The following HS2ST1 variants were observed in gnomAD, a reference collection of about 807,000 sequenced individuals.
The protein encoded by HS2ST1 is heparan sulfate 2-O-sulfotransferase 1.
HS2ST1 carries 18 observed loss-of-function variants against 42.9 expected under a neutral mutation model. The ratio of observed to expected loss-of-function variants is 0.42; its 90% CI spans 0.29 to 0.62. The LOEUF (loss-of-function observed/expected upper bound fraction) is 0.62, where lower values mean the gene tolerates loss of function less well. Ranked by LOEUF, HS2ST1 falls within the 20% of genes least tolerant of loss-of-function variation. The probability of loss-of-function intolerance (pLI) is 0.21; values close to 1 mark genes in which losing one functional copy is unlikely to be tolerated. For synonymous variants in HS2ST1, 146 were observed against 152.9 expected, an observed-to-expected ratio of 0.95 and a Z score of 0.33; for missense variants, 334 against 433.8, an observed-to-expected ratio of 0.77 and a Z score of 2.04.
intron 1 of HS2ST1, among the ~76,000 whole-genome samples, chr1:86,990,562 A>G (rs1648912279): frequency 6.6e-6 from 1 of 151,826 alleles, no homozygotes; most frequent in Non-Finnish European, 1.5e-5. Flanking sequence ...TAGTATTGCC[A>G]TTTATCGCCA....
intron 1 of HS2ST1, among the ~76,000 whole-genome samples, chr1:86,969,992 G>A (rs1648181387): frequency 6.6e-6 from 1 of 152,060 alleles, no homozygotes; most frequent in Non-Finnish European, 1.5e-5. Flanking sequence ...AGGCGTGGTG[G>A]CACATGCCTG....
chr1:87,071,791 C>T (rs1651415309), intron 1 of HS2ST1, among the ~76,000 whole-genome samples: 1 of 150,328 alleles, frequency 6.7e-6, no homozygotes, highest in African/African-American at 2.5e-5. Context: ...CCCTGGGAAG[C>T]AATTGAGTTG....
intron 1 of HS2ST1, 128 bp downstream of exon 1, chr1:86,915,288 C>T (rs566848692): frequency 2.8e-6 from 3 of 1,052,770 alleles, no homozygotes; most frequent in Admixed American, 3.0e-5. Flanking sequence ...CAAAGAGAAC[C>T]GGGAACAAGG....
At chr1:86,929,695 A>T (rs1660501709) in intron 1 of HS2ST1, among the ~76,000 whole-genome samples, 1 of 151,808 alleles carries the variant, frequency 6.6e-6, no homozygotes, top group African/African-American at 2.4e-5. Flanking sequence ...TTTTTAAAGG[A>T]TTAATGATAG....
chr1:87,015,076 G>C lies in HS2ST1; in HGVS notation c.125-57858G>C, dbSNP rs140288035. On this transcript the variant is annotated intron_variant, in intron 1 of 6. Transcript: ENST00000370550. The stretch of plus-strand genomic sequence containing the variant: ...TGTTTGTTTGTTTGTTTGAGACAGA[G>C]TGTCGCTCTGTCACCAAGCTGGAGT... Among the ~76,000 whole-genome samples, 977 of 152,090 alleles carry C rather than the reference G, an allele frequency of 6.4e-3. 13 individuals are homozygous for C. The highest frequency in any genetic ancestry group is 0.023 in the African/African-American group (937 of 41,476).
At chr1:86,940,678 C>T (rs1169332172) in intron 1 of HS2ST1, among the ~76,000 whole-genome samples, 1 of 152,158 alleles carries the variant, frequency 6.6e-6, no homozygotes, top group Non-Finnish European at 1.5e-5. Context: ...TCTCATATGA[C>T]TTTGGAAATG....
chr1:86,969,750 CTTAA>C (rs996296932), intron 1 of HS2ST1, among the ~76,000 whole-genome samples: 8 of 151,080 alleles, frequency 5.3e-5, no homozygotes, highest in African/African-American at 1.9e-4. Context: ...TATAAAATAT[CTTAA>C]TTAAGAGTTG....
chr1:86,958,278 T>C lies in HS2ST1; in HGVS notation c.124+43118T>C, dbSNP rs1164873841. Among the ~76,000 whole-genome samples the C allele has an allele frequency of 2.2e-4, 34 of 152,206 alleles. 1 individual carries two copies. The highest frequency in any genetic ancestry group is 1.7e-3 in the East Asian group (9 of 5,196). ...CATTAACAGCCACTTAACACAAATTTTGTGTGTATGTTATGTGTATTCTGT... is the reference window on the plus strand; with the variant it reads ...CATTAACAGCCACTTAACACAAATTCTGTGTGTATGTTATGTGTATTCTGT... On this transcript the variant is annotated intron_variant, in intron 1 of 6. Transcript: ENST00000370550.
chr1:87,063,426 T>A (rs1346028880), intron 1 of HS2ST1, among the ~76,000 whole-genome samples: 2 of 152,174 alleles, frequency 1.3e-5, no homozygotes, highest in African/African-American at 4.8e-5. Context: ...AGCCTCTGCT[T>A]CCCAGGTTCA....
intron 1 of HS2ST1, among the ~76,000 whole-genome samples, chr1:86,987,768 C>T (rs903487007): frequency 5.9e-5 from 9 of 152,236 alleles, no homozygotes; most frequent in Non-Finnish European, 7.4e-5. Context: ...GTCAAATGGC[C>T]CTGTAGCAGG....
chr1:87,064,625 C>T lies in HS2ST1; in HGVS notation c.125-8309C>T, dbSNP rs116037068. Reference sequence around the variant, plus strand: ...GCATATAGAAATTTATTTTGTTAGTCCCCCATGGTGATTGTGCTCAGGGAG... The same window carrying T: ...GCATATAGAAATTTATTTTGTTAGTTCCCCATGGTGATTGTGCTCAGGGAG... On this transcript the variant is annotated intron_variant, in intron 1 of 6. Coordinates refer to ENST00000370550, the MANE Select transcript of HS2ST1 (RefSeq NM_012262.4). 25 of 463,188 alleles carry T rather than the reference C, an allele frequency of 5.4e-5. No individual in the cohort carries two copies. In the East Asian group the frequency reaches 7.4e-4, roughly 14 times the overall value. 28.7% of individuals were successfully genotyped at this position (463,188 alleles called of 1,614,324 possible). A position where few individuals can be genotyped will look rare whatever the true frequency, so the allele number is the denominator to read the frequency against.
intron 1 of HS2ST1, among the ~76,000 whole-genome samples, chr1:87,068,712 A>G (rs1651317090): frequency 1.3e-5 from 2 of 152,220 alleles, no homozygotes; most frequent in African/African-American, 4.8e-5. Flanking sequence ...TGGCCAATCA[A>G]TAAACAGTTG....
intron 2 of HS2ST1, among the ~76,000 whole-genome samples, 163 bp downstream of exon 2, chr1:87,073,335 G>C (rs561791380): frequency 1.1e-4 from 17 of 152,224 alleles, no homozygotes; most frequent in African/African-American, 3.9e-4. Context: ...AATTTTACTT[G>C]ACAGTATTTG....
chr1:87,031,728 AAT>A (rs1386705119), intron 1 of HS2ST1, among the ~76,000 whole-genome samples: 1 of 152,172 alleles, frequency 6.6e-6, no homozygotes, highest in Non-Finnish European at 1.5e-5. Context: ...CTGAATATAT[AAT>A]ATATGGTTGT....
At chr1:86,917,391 C>T (rs1043236368) in intron 1 of HS2ST1, among the ~76,000 whole-genome samples, 6 of 152,082 alleles carry the variant, frequency 3.9e-5, no homozygotes, top group East Asian at 1.9e-4. Flanking sequence ...GGGTGGCGGG[C>T]GCCTGTAATC....
intron 3 of HS2ST1, among the ~76,000 whole-genome samples, chr1:87,087,303 C>T (rs960963642): frequency 2.0e-5 from 3 of 152,130 alleles, no homozygotes; most frequent in African/African-American, 7.2e-5. Context: ...CTGTCAGACT[C>T]TGCTAAGTTT....
chr1:86,997,340 A>G (rs1557509443), intron 1 of HS2ST1, among the ~76,000 whole-genome samples: 1 of 152,174 alleles, frequency 6.6e-6, no homozygotes, highest in Non-Finnish European at 1.5e-5. Flanking sequence ...GATAACAGTG[A>G]CTTTGAGGCT....
chr1:86,963,876 C>T (rs942304882), intron 1 of HS2ST1, among the ~76,000 whole-genome samples: 7 of 147,696 alleles, frequency 4.7e-5, no homozygotes, highest in East Asian at 4.1e-4. Flanking sequence ...GCTGGCCGGG[C>T]GGGGCGGCTG....
chr1:86,987,228 C>T (rs987035929), intron 1 of HS2ST1, among the ~76,000 whole-genome samples: 11 of 151,864 alleles, frequency 7.2e-5, no homozygotes, highest in African/African-American at 1.9e-4. Context: ...CACTGCCTGC[C>T]GCCACGCCGG....
Sources: allele counts gnomAD v4.1 joint callset (sites outside exome capture counted in the v4.1 genomes callset), GRCh38; gene constraint gnomAD v4.1.1; transcripts MANE v1.5; gene names NCBI Gene and HGNC (gene_info 2026-07-23, HGNC 2026-07-21).